Variants in NAV2 observed in about 807,000 individuals in gnomAD.
The protein encoded by NAV2 is helicase, APC down-regulated 1.
A neutral mutation model predicts 223.2 loss-of-function variants in NAV2; 54 were observed. That is an observed-to-expected ratio of 0.24 (90% CI 0.19 to 0.30). NAV2 has a LOEUF of 0.30. Among genes scored for constraint, NAV2 ranks in the 10% least tolerant of loss-of-function variants. The probability of loss-of-function intolerance (pLI) is 1.00; values close to 1 mark genes in which losing one functional copy is unlikely to be tolerated. For missense variants in NAV2, 2,806 were observed against 3,147.5 expected (o/e 0.89, Z 2.60); for synonymous variants, 1,279 against 1,239.3 (o/e 1.03, Z -0.67).
At chr11:19,379,402 T>C (rs965095036) in intron 1 of NAV2, among the ~76,000 whole-genome samples, 7 of 152,196 alleles carry the variant, frequency 4.6e-5, no homozygotes, top group Admixed American at 6.5e-5. Flanking sequence ...TGTGAAGCAA[T>C]GACAGAAGTA....
intron 1 of NAV2, among the ~76,000 whole-genome samples, chr11:19,657,406 CATT>C (rs1231681765): frequency 4.6e-5 from 7 of 152,164 alleles, no homozygotes; most frequent in Admixed American, 4.6e-4. Context: ...AGAGGGTAGG[CATT>C]ATTTGAGGAT....
chr11:19,545,401 G>A (rs569225738), intron 1 of NAV2, among the ~76,000 whole-genome samples: 27 of 152,310 alleles, frequency 1.8e-4, no homozygotes, highest in South Asian at 8.3e-4. Flanking sequence ...CTCTAAGGAC[G>A]GCTCCCTTCC....
chr11:20,048,749 C>A lies in NAV2; in HGVS notation c.3924C>A (p.Thr1308=). 1 of 1,614,056 alleles carries A rather than the reference C, an allele frequency of 6.2e-7. No homozygotes were observed. The highest frequency in any genetic ancestry group is 8.5e-7 in the Non-Finnish European group (1 of 1,179,968). The change falls in exon 15 of 38, where the codon ACC becomes ACA. Residue 1308 remains threonine, a synonymous_variant. Coordinates refer to ENST00000349880, the MANE Select transcript of NAV2 (RefSeq NM_145117.5). ...ACAGACTCTTTGGTGGGAAGCCTAC[C>A]AAGCAAGTGCCCATCGCCACAGCTG... ...TLRRLFGGKP[T]KQVPIATAEN...
intron 1 of NAV2, chr11:19,511,487 A>C (rs1028306686): frequency 3.3e-5 from 5 of 152,200 alleles, no homozygotes; most frequent in South Asian, 2.1e-4. Flanking sequence ...AACTCTTCTA[A>C]GACTGATCAT....
chr11:19,994,179 C>A (rs936725765), intron 11 of NAV2, among the ~76,000 whole-genome samples: 2 of 152,116 alleles, frequency 1.3e-5, no homozygotes, highest in African/African-American at 4.8e-5. Flanking sequence ...CCCAAGTGTC[C>A]AATAGTCCTG....
At chr11:19,684,069 C>A (rs1487862212) in intron 1 of NAV2, among the ~76,000 whole-genome samples, 1 of 152,020 alleles carries the variant, frequency 6.6e-6, no homozygotes, top group Non-Finnish European at 1.5e-5. Flanking sequence ...ATTGCGAAAT[C>A]CAAAAACTGG....
At chr11:19,687,431 A>G (rs1178367482) in intron 1 of NAV2, among the ~76,000 whole-genome samples, 3 of 152,202 alleles carry the variant, frequency 2.0e-5, no homozygotes, top group African/African-American at 7.2e-5. Flanking sequence ...ATTATACATG[A>G]ATTATCTCAA....
At chr11:19,810,925 C>G (rs1455493022) in intron 1 of NAV2, among the ~76,000 whole-genome samples, 1 of 152,168 alleles carries the variant, frequency 6.6e-6, no homozygotes, top group Non-Finnish European at 1.5e-5. Flanking sequence ...TATTTGACAT[C>G]CTTATTTGAT....
chr11:19,777,573 CA>C, intron 1 of NAV2: 1 of 454,652 alleles, frequency 2.2e-6, no homozygotes, highest in Non-Finnish European at 4.4e-6. Context: ...TTTAACCCCC[CA>C]CCCCGCCCCC....
intron 1 of NAV2, chr11:19,714,642 C>A: frequency 2.7e-6 from 1 of 369,016 alleles, no homozygotes; most frequent in East Asian, 7.3e-5. Context: ...CTCAGAATGG[C>A]GGCCGAAGCT....
rs145046268 is a variant in NAV2, at chr11:20,022,587, C to T, written c.2769-13372C>T. On this transcript the variant is annotated intron_variant, in intron 11 of 37. Transcript: ENST00000349880. The stretch of plus-strand genomic sequence containing the variant: ...TTCAATCGAATGCTTTGCCTTCAGA[C>T]GTCAATGGAATGAGCTAAGAAATGT... The T allele has an allele frequency of 5.6e-4, 552 of 985,864 alleles. 4 individuals carry two copies. The highest frequency in any genetic ancestry group is 1.1e-3 in the South Asian group (23 of 21,288). 61.1% of individuals were successfully genotyped at this position (985,864 alleles called of 1,614,324 possible). A position where few individuals can be genotyped will look rare whatever the true frequency, so the allele number is the denominator to read the frequency against.
At chr11:19,642,726 T>C (rs1346263900) in intron 1 of NAV2, among the ~76,000 whole-genome samples, 1 of 152,088 alleles carries the variant, frequency 6.6e-6, no homozygotes, top group Non-Finnish European at 1.5e-5. Context: ...GGAGGGGGGC[T>C]GGATTGCAAA....
At chr11:20,100,561 GTGTGT>G (rs1201619626) in intron 31 of NAV2, among the ~76,000 whole-genome samples, 34 of 148,416 alleles carry the variant, frequency 2.3e-4, no homozygotes, top group African/African-American at 8.4e-4. Flanking sequence ...GTGTGTGTGT[GTGTGT>G]GTGTGTGTGT....
intron 11 of NAV2, among the ~76,000 whole-genome samples, chr11:20,010,809 G>A (rs2053502305): frequency 6.6e-6 from 1 of 152,114 alleles, no homozygotes; most frequent in Non-Finnish European, 1.5e-5. Flanking sequence ...TAATACCTGG[G>A]GATCTTTTTC....
intron 1 of NAV2, among the ~76,000 whole-genome samples, chr11:19,442,503 G>A (rs1851440998): frequency 6.6e-6 from 1 of 152,258 alleles, no homozygotes; most frequent in African/African-American, 2.4e-5. Flanking sequence ...TCATGCGCTG[G>A]TGGTGGATAT....
At chr11:20,039,558 G>A (rs2056722788) in intron 12 of NAV2, among the ~76,000 whole-genome samples, 1 of 152,012 alleles carries the variant, frequency 6.6e-6, no homozygotes, top group South Asian at 2.1e-4. Context: ...AATATATTTT[G>A]TTTGTAGTCT....
intron 2 of NAV2, among the ~76,000 whole-genome samples, chr11:19,833,618 A>C (rs2060068958): frequency 6.6e-6 from 1 of 152,222 alleles, no homozygotes; most frequent in South Asian, 2.1e-4. Context: ...AAATTATCAC[A>C]AACTTAGCCA....
chr11:19,565,030 G>C (rs1032309015), intron 1 of NAV2, among the ~76,000 whole-genome samples: 1 of 152,170 alleles, frequency 6.6e-6, no homozygotes, highest in Non-Finnish European at 1.5e-5. Flanking sequence ...AGCTACTCGG[G>C]AGGCTGAGGC....
intron 1 of NAV2, among the ~76,000 whole-genome samples, chr11:19,614,963 T>C (rs970252133): frequency 1.3e-5 from 2 of 152,162 alleles, no homozygotes; most frequent in African/African-American, 4.8e-5. Context: ...CTTTGTGACT[T>C]CTGTCCCACC....
Sources: allele counts gnomAD v4.1 joint callset (sites outside exome capture counted in the v4.1 genomes callset), GRCh38; gene constraint gnomAD v4.1.1; transcripts MANE v1.5; gene names NCBI Gene and HGNC (gene_info 2026-07-23, HGNC 2026-07-21).